NCOA6: variants seen among roughly 807,000 people sequenced by gnomAD.
NCOA6 encodes the protein NRC RAP250.
NCOA6 carries 49 observed loss-of-function variants against 171.4 expected under a neutral mutation model. The observed-to-expected ratio is 0.29, with a 90% confidence interval of 0.23 to 0.36. NCOA6 has a LOEUF of 0.36. NCOA6 is among the 10% of genes least tolerant of loss of function. The pLI, the probability that NCOA6 is intolerant of heterozygous loss-of-function variation, is 1.00. For synonymous variants in NCOA6, 910 were observed against 927.5 expected (o/e 0.98, Z 0.34); for missense variants, 2,248 against 2,554.5 (o/e 0.88, Z 2.59).
At chr20:34,800,796 A>T (rs2078231428) in intron 1 of NCOA6, among the ~76,000 whole-genome samples, 1 of 152,182 alleles carries the variant, frequency 6.6e-6, no homozygotes, top group Non-Finnish European at 1.5e-5. Flanking sequence ...TCAGCACTGG[A>T]CAGATGATCT....
intron 1 of NCOA6, among the ~76,000 whole-genome samples, chr20:34,813,424 C>A (rs1359335091): frequency 6.7e-6 from 1 of 149,764 alleles, no homozygotes; most frequent in Admixed American, 6.7e-5. Flanking sequence ...TGAGACTGCA[C>A]CACTGTATTC....
At position 34,715,317 on chromosome 20, in the gene NCOA6, C is replaced by G. The variant is rs1393688456; in HGVS notation, c.*5G>C. ...TTCCAAGTATCAAGTCGCAGTCCTG[C>G]TTGTTTACTTGGATTTTCTTCGCTT... On this transcript the variant is annotated 3_prime_UTR_variant, in exon 15 of 15. Coordinates refer to ENST00000359003, the MANE Select transcript of NCOA6 (RefSeq NM_014071.5). 6.2e-7 allele frequency: 1 copy of G among 1,613,884 alleles called. No individual in the cohort carries two copies. Among genetic ancestry groups the G allele is most frequent in the Non-Finnish European group, 8.5e-7 (1 of 1,179,912 alleles).
intron 5 of NCOA6, among the ~76,000 whole-genome samples, chr20:34,763,213 T>C (rs951717121): frequency 8.5e-5 from 13 of 152,196 alleles, no homozygotes; most frequent in African/African-American, 3.1e-4. Flanking sequence ...CCTCAATTTC[T>C]TTATCTTCTT....
intron 4 of NCOA6, among the ~76,000 whole-genome samples, chr20:34,775,755 A>C (rs1040918169): frequency 3.3e-5 from 5 of 152,026 alleles, no homozygotes; most frequent in African/African-American, 1.2e-4. Flanking sequence ...AAGGCTTCAT[A>C]ATCTGTTAGA....
At chr20:34,736,503 C>T (rs978382848) in intron 12 of NCOA6, among the ~76,000 whole-genome samples, 187 bp downstream of exon 12, 13 of 152,014 alleles carry the variant, frequency 8.6e-5, no homozygotes, top group African/African-American at 2.7e-4. Context: ...GCAAGCTGGT[C>T]GGGGGGAAAA....
At chr20:34,725,810 T>C (rs551450343) in intron 14 of NCOA6, among the ~76,000 whole-genome samples, 1 of 152,140 alleles carries the variant, frequency 6.6e-6, no homozygotes, top group Non-Finnish European at 1.5e-5. Context: ...AGGTGAAAAA[T>C]CACAAGTTTG....
chr20:34,729,703 C>A (rs1020111643), intron 13 of NCOA6, among the ~76,000 whole-genome samples: 2 of 152,102 alleles, frequency 1.3e-5, no homozygotes, highest in African/African-American at 4.8e-5. Flanking sequence ...GATTGTACAT[C>A]GTGTTCTATT....
chr20:34,770,722 C>T (rs1461006213), intron 4 of NCOA6, among the ~76,000 whole-genome samples: 2 of 151,854 alleles, frequency 1.3e-5, no homozygotes, highest in East Asian at 1.9e-4. Flanking sequence ...CGTCTGCCTC[C>T]GGGTTCAAGC....
intron 12 of NCOA6, among the ~76,000 whole-genome samples, chr20:34,734,615 G>C (rs1256560764): frequency 6.6e-6 from 1 of 151,928 alleles, no homozygotes; most frequent in African/African-American, 2.4e-5. Flanking sequence ...TAAAGTGCTG[G>C]GGTTAGAGGC....
At chr20:34,767,086 T>C (rs897425290) in intron 5 of NCOA6, among the ~76,000 whole-genome samples, 1 of 152,110 alleles carries the variant, frequency 6.6e-6, no homozygotes, top group Non-Finnish European at 1.5e-5. Context: ...AACAAGAACT[T>C]AGGAAATGTT....
intron 8 of NCOA6, among the ~76,000 whole-genome samples, 180 bp from the exon 9 acceptor site, chr20:34,750,699 T>C (rs2076449094): frequency 6.6e-6 from 1 of 152,236 alleles, no homozygotes; most frequent in Non-Finnish European, 1.5e-5. Flanking sequence ...GGCTGTGGGA[T>C]AACTGCTTAC....
intron 8 of NCOA6, among the ~76,000 whole-genome samples, chr20:34,750,796 G>C (rs528223413): frequency 1.2e-4 from 19 of 152,258 alleles, no homozygotes; most frequent in African/African-American, 4.6e-4. Context: ...CAAAGATCAA[G>C]AAAGTTTACT....
rs753690833 is a variant in NCOA6 at position 34,741,198 on chromosome 20, G to A, written c.5058C>T (p.Asn1686=). Residue 1686 remains asparagine (N), a synonymous_variant, in exon 11 of 15, where the codon AAC becomes AAT. Coordinates refer to ENST00000359003, the MANE Select transcript of NCOA6 (RefSeq NM_014071.5). Reference sequence around the variant, plus strand: ...CAACAGAGGGAGGCATCAGGCCAGAGTTGGTTGTCAGTGGGGCTGCAGGAA... The same window carrying A: ...CAACAGAGGGAGGCATCAGGCCAGAATTGGTTGTCAGTGGGGCTGCAGGAA... ...STIPAAPLTT[N]SGLMPPSVAV... 1 of 1,614,268 alleles carries A rather than the reference G, an allele frequency of 6.2e-7. No individual in the cohort carries two copies. The highest frequency in any genetic ancestry group is 1.7e-5 in the Admixed American group (1 of 60,036).
rs144253040 is a variant in NCOA6 at position 34,738,834 on chromosome 20, G to A, written c.5893+1529C>T. ...ATCAACTGTAACTGGTAACCAGTGG[G>A]CTAGAATTTGAACTCTGATCTTACC... On this transcript the variant is annotated intron_variant, in intron 11 of 14. Transcript: ENST00000359003. 286 of 455,166 alleles carry A rather than the reference G, an allele frequency of 6.3e-4. 1 individual carries two copies. The highest frequency in any genetic ancestry group is 4.8e-3 in the African/African-American group (241 of 50,182). 28.2% of individuals were successfully genotyped at this position (455,166 alleles called of 1,614,324 possible). A position where few individuals can be genotyped will look rare whatever the true frequency, so the allele number is the denominator to read the frequency against.
chr20:34,757,322 G>A lies in NCOA6; in HGVS notation c.1426C>T (p.Arg476Trp), dbSNP rs1205037591. 3.7e-6 allele frequency: 6 copies of A among 1,614,150 alleles called. No individual in the cohort carries two copies. Among genetic ancestry groups the A allele is most frequent in the South Asian group, 1.1e-5 (1 of 91,076 alleles). Reference protein sequence around the residue: ...GFQQPVSSPGRNPMVQQGNVP... With the variant: ...GFQQPVSSPGWNPMVQQGNVP... The stretch of plus-strand genomic sequence containing the variant: ...TTTCCCTGTTGAACCATAGGATTCC[G>A]ACCCGGAGAGCTGACAGGCTGCTGA... Residue 476 changes from arginine to tryptophan, a missense_variant, in exon 7 of 15, where the codon CGG (arginine) becomes TGG (tryptophan). Arg to Trp is a moderately radical substitution (Grantham distance 101). Transcript: ENST00000359003.
intron 14 of NCOA6, among the ~76,000 whole-genome samples, chr20:34,718,878 G>A (rs919644675): frequency 3.3e-5 from 5 of 152,194 alleles, no homozygotes; most frequent in Admixed American, 3.3e-4. Context: ...GTGTACCTCA[G>A]ACTGTGATTG....
At chr20:34,792,211 T>C (rs1420717917) in intron 2 of NCOA6, among the ~76,000 whole-genome samples, 38 of 152,238 alleles carry the variant, frequency 2.5e-4, no homozygotes, top group Non-Finnish European at 2.9e-5. Flanking sequence ...TGGTCTTTCA[T>C]TGTCTTCTAC....
chr20:34,738,318 G>C (rs183908655), intron 11 of NCOA6, among the ~76,000 whole-genome samples: 1 of 152,108 alleles, frequency 6.6e-6, no homozygotes, highest in East Asian at 1.9e-4. Context: ...CCCAAGTGCT[G>C]GTTCATCTCC....
chr20:34,737,755 T>A (rs1257628040), intron 11 of NCOA6, among the ~76,000 whole-genome samples: 1 of 152,272 alleles, frequency 6.6e-6, no homozygotes, highest in Non-Finnish European at 1.5e-5. Context: ...TTGTGGAAAC[T>A]GAATTTTGTA....
Sources: gnomAD v4.1 joint callset for allele counts (sites outside exome capture counted in the v4.1 genomes callset) on GRCh38, gnomAD v4.1.1 for gene constraint, MANE v1.5 for transcripts, NCBI Gene and HGNC (gene_info 2026-07-23, HGNC 2026-07-21) for gene names.